CSMD2: variants seen among roughly 807,000 people sequenced by gnomAD.
The protein encoded by CSMD2 is CUB and Sushi multiple domains 2.
A neutral mutation model predicts 398.5 loss-of-function variants in CSMD2; 130 were observed. The observed-to-expected ratio is 0.33, with a 90% confidence interval of 0.28 to 0.38. CSMD2 has a LOEUF of 0.38. CSMD2 is among the 10% of genes least tolerant of loss of function. The pLI, the probability that CSMD2 is intolerant of heterozygous loss-of-function variation, is 1.00. For synonymous variants in CSMD2, 1,828 were observed against 1,908.5 expected, an observed-to-expected ratio of 0.96 and a Z score of 1.10; for missense variants, 3,829 against 4,764.9, an observed-to-expected ratio of 0.80 and a Z score of 5.78.
chr1:33,709,342 A>T, intron 21 of CSMD2, 84 bp from the exon 22 acceptor site: 1 of 1,236,804 alleles, frequency 8.1e-7, no homozygotes, highest in Non-Finnish European at 1.1e-6. Context: ...GAACCTGACA[A>T]AGATGACAAG....
At chr1:33,925,601 A>G (rs923251058) in intron 4 of CSMD2, among the ~76,000 whole-genome samples, 1 of 152,118 alleles carries the variant, frequency 6.6e-6, no homozygotes, top group Non-Finnish European at 1.5e-5. Context: ...GTATTTTGAT[A>G]CAGATTACAT....
Position 33,586,627 on chromosome 1 carries a change from A to G in CSMD2, c.6938-10T>C. The G allele has an allele frequency of 6.4e-7, 1 of 1,557,140 alleles. No homozygotes were observed. The highest frequency in any genetic ancestry group is 8.9e-7 in the Non-Finnish European group (1 of 1,128,690). On this transcript the variant is annotated splice_polypyrimidine_tract_variant and intron_variant, in intron 45 of 70. Transcript: ENST00000373381. Reference sequence around the variant, plus strand: ...TAGCGTACGATGTCACCTGTCAAAGAAAGACCAACATGTAGACCCTCTTAA... The same window carrying G: ...TAGCGTACGATGTCACCTGTCAAAGGAAGACCAACATGTAGACCCTCTTAA...
intron 1 of CSMD2, among the ~76,000 whole-genome samples, chr1:34,094,719 C>A (rs897109041): frequency 1.1e-4 from 16 of 152,310 alleles, no homozygotes; most frequent in African/African-American, 3.8e-4. Flanking sequence ...CTATCCTAAA[C>A]ATATATGCAC....
intron 6 of CSMD2, among the ~76,000 whole-genome samples, chr1:33,831,350 C>T (rs1659533060): frequency 2.0e-5 from 3 of 152,076 alleles, no homozygotes; most frequent in South Asian, 2.1e-4. Context: ...AATTGGGGGC[C>T]AATATTCAAC....
Position 34,008,973 on chromosome 1 carries a change from TCTTTGCCTACCCCATCCA to T in CSMD2, c.517+23603_517+23620del, listed in dbSNP as rs546633220. On this transcript the variant is annotated intron_variant, in intron 3 of 70. Coordinates refer to ENST00000373381, the MANE Select transcript of CSMD2 (RefSeq NM_001281956.2). ...TATTTTGGTGTGAGCTCCCCAGCTT[TCTTTGCCTACCCCATCCA>T]CTTTGCCTACCCCATCCACCCTCTG... 3.0e-3 allele frequency among the ~76,000 whole-genome samples: 462 copies of T among 152,088 alleles called. 2 individuals carry two copies. The highest frequency in any genetic ancestry group is 2.5e-3 in the Non-Finnish European group (171 of 67,980).
intron 29 of CSMD2, among the ~76,000 whole-genome samples, chr1:33,643,740 C>T (rs1053224688): frequency 4.6e-5 from 7 of 152,226 alleles, no homozygotes; most frequent in Non-Finnish European, 1.5e-5. Context: ...AAAGTAGACC[C>T]ATTCCAGGAA....
intron 10 of CSMD2, among the ~76,000 whole-genome samples, chr1:33,810,335 CA>C (rs1472555246): frequency 6.6e-6 from 1 of 152,140 alleles, no homozygotes; most frequent in Non-Finnish European, 1.5e-5. Context: ...ATATGAAGTT[CA>C]AACGTTAGCA....
At chr1:33,532,364 T>TTA (rs941193940) in intron 64 of CSMD2, among the ~76,000 whole-genome samples, 1 of 151,506 alleles carries the variant, frequency 6.6e-6, no homozygotes, top group Non-Finnish European at 1.5e-5. Context: ...TATCAGAGAG[T>TTA]TTAATGCTAT....
At chr1:33,928,406 A>G (rs1450494273) in intron 4 of CSMD2, among the ~76,000 whole-genome samples, 1 of 152,248 alleles carries the variant, frequency 6.6e-6, no homozygotes, top group African/African-American at 2.4e-5. Context: ...GGCAGTGAGA[A>G]TGACAATGAT....
Position 33,929,694 on chromosome 1 carries a change from C to T in CSMD2, c.712+6066G>A, listed in dbSNP as rs542873105. Among the ~76,000 whole-genome samples, 13 of 152,200 alleles carry T rather than the reference C, an allele frequency of 8.5e-5. 1 individual carries two copies. The highest frequency in any genetic ancestry group is 2.4e-4 in the African/African-American group (10 of 41,518). On this transcript the variant is annotated intron_variant, in intron 4 of 70. Transcript: ENST00000373381. ...CTCGCGATCTGCCCGCTTCAGCCTC[C>T]GCTTTCTTACCTTGCTTCACCCCAT...
chr1:33,689,684 A>C (rs1241643692), intron 25 of CSMD2, among the ~76,000 whole-genome samples: 1 of 152,158 alleles, frequency 6.6e-6, no homozygotes, highest in African/African-American at 2.4e-5. Context: ...TGTGCCTTTT[A>C]GGTACATTAC....
Position 33,849,286 on chromosome 1 carries a change from T to C in CSMD2, c.921-2290A>G, listed in dbSNP as rs144459901. Among the ~76,000 whole-genome samples, 771 of 152,268 alleles carry C rather than the reference T, an allele frequency of 5.1e-3. 5 individuals carry two copies. Among genetic ancestry groups the C allele is most frequent in the African/African-American group, 0.018 (744 of 41,554 alleles). On this transcript the variant is annotated intron_variant, in intron 5 of 70. Coordinates refer to ENST00000373381, the MANE Select transcript of CSMD2 (RefSeq NM_001281956.2). ...AGAATCATCACATCAGACTCTGCCA[T>C]TGAGATGGTGTCATGCCTTGCTCGA...
At chr1:33,910,798 G>C (rs538888661) in intron 5 of CSMD2, among the ~76,000 whole-genome samples, 3 of 152,286 alleles carry the variant, frequency 2.0e-5, no homozygotes, top group East Asian at 1.9e-4. Context: ...GCAAAGCCTT[G>C]GGATGGGGAG....
intron 53 of CSMD2, among the ~76,000 whole-genome samples, chr1:33,565,384 A>G (rs1206771357): frequency 6.6e-6 from 1 of 152,162 alleles, no homozygotes; most frequent in African/African-American, 2.4e-5. Context: ...GTTCTGCAAG[A>G]CAAAAGAAAA....
intron 39 of CSMD2, among the ~76,000 whole-genome samples, chr1:33,615,358 G>C (rs1055731177): frequency 6.6e-6 from 1 of 152,170 alleles, no homozygotes; most frequent in Non-Finnish European, 1.5e-5. Context: ...AACAGAAAGG[G>C]GCTAGCCAGT....
At chr1:33,955,201 A>G (rs1447863960) in intron 3 of CSMD2, among the ~76,000 whole-genome samples, 2 of 152,130 alleles carry the variant, frequency 1.3e-5, no homozygotes, top group African/African-American at 2.4e-5. Context: ...CCAGAGATGG[A>G]ATGTGAATTA....
At chr1:33,561,385 T>C (rs1471074163) in intron 53 of CSMD2, among the ~76,000 whole-genome samples, 2 of 152,198 alleles carry the variant, frequency 1.3e-5, no homozygotes, top group Non-Finnish European at 2.9e-5. Context: ...GGTCTAAGGA[T>C]AATTCACTTT....
chr1:33,740,925 C>G (rs1381348776), intron 14 of CSMD2, among the ~76,000 whole-genome samples: 1 of 152,136 alleles, frequency 6.6e-6, no homozygotes, highest in Non-Finnish European at 1.5e-5. Context: ...AGTCAAGGAC[C>G]CACTTCTCCC....
chr1:33,989,037 T>C (rs1339021504), intron 3 of CSMD2, among the ~76,000 whole-genome samples: 3,767 of 44,408 alleles, frequency 0.085, 211 homozygotes, highest in African/African-American at 0.18. Context: ...TATATATATA[T>C]ATATATATAT....
Sources: gnomAD v4.1 joint callset for allele counts (sites outside exome capture counted in the v4.1 genomes callset) on GRCh38, gnomAD v4.1.1 for gene constraint, MANE v1.5 for transcripts, NCBI Gene and HGNC (gene_info 2026-07-23, HGNC 2026-07-21) for gene names.